The following CADM2 variants were observed in gnomAD, a reference collection of about 807,000 sequenced individuals.
CADM2 encodes the protein immunoglobulin superfamily member 4D.
A neutral mutation model predicts 49.8 loss-of-function variants in CADM2; 12 were observed. The observed-to-expected ratio is 0.24, with a 90% CI of 0.15 to 0.39. CADM2 has a LOEUF of 0.39. CADM2 is among the 10% of genes least tolerant of loss of function. The pLI is 1.00. For synonymous variants in CADM2, 214 were observed against 175.4 expected, an observed-to-expected ratio of 1.22 and a Z score of -1.74; for missense variants, 378 against 492.3, an observed-to-expected ratio of 0.77 and a Z score of 2.20.
chr3:85,419,069 T>G (rs1290784913), intron 1 of CADM2, among the ~76,000 whole-genome samples: 2 of 152,178 alleles, frequency 1.3e-5, no homozygotes, highest in African/African-American at 4.8e-5. Context: ...TGCCCTGATT[T>G]ATGAAGATTC....
chr3:85,464,490 CACATCAAAGTTG>C (rs1553726446), intron 1 of CADM2, among the ~76,000 whole-genome samples: 1 of 152,114 alleles, frequency 6.6e-6, no homozygotes, highest in Non-Finnish European at 1.5e-5. Context: ...GAAGTAAAGG[CACATCAAAGTTG>C]ACATTTCAAA....
At chr3:85,656,548 G>T (rs1394340607) in intron 1 of CADM2, among the ~76,000 whole-genome samples, 4 of 152,010 alleles carry the variant, frequency 2.6e-5, no homozygotes, top group Non-Finnish European at 5.9e-5. Context: ...CCTGAGAGGC[G>T]GAGGTTGCAG....
intron 8 of CADM2, among the ~76,000 whole-genome samples, chr3:86,015,802 C>T (rs940613093): frequency 3.3e-5 from 5 of 152,152 alleles, no homozygotes; most frequent in African/African-American, 4.8e-5. Context: ...ATGGTTAAGA[C>T]GGAATCAGAG....
intron 8 of CADM2, among the ~76,000 whole-genome samples, chr3:85,964,441 A>AT (rs1187387188): frequency 1.3e-5 from 2 of 150,980 alleles, no homozygotes; most frequent in Admixed American, 1.3e-4. Flanking sequence ...TAATAGTTAG[A>AT]TTTTATTGTT....
At chr3:86,030,250 A>G (rs1480698247) in intron 8 of CADM2, among the ~76,000 whole-genome samples, 1 of 151,976 alleles carries the variant, frequency 6.6e-6, no homozygotes, top group Non-Finnish European at 1.5e-5. Context: ...AGTAATATTT[A>G]TTTGTATTCG....
chr3:85,344,393 A>AAAT (rs2030333300), intron 1 of CADM2, among the ~76,000 whole-genome samples: 1 of 138,144 alleles, frequency 7.2e-6, no homozygotes, highest in Non-Finnish European at 1.5e-5. Flanking sequence ...ATAAATAAAT[A>AAAT]AATAAATAAA....
chr3:85,526,915 G>A lies in CADM2; in HGVS notation c.62-199607G>A, dbSNP rs147650533. Among the ~76,000 whole-genome samples the A allele has an allele frequency of 3.4e-3, 510 of 152,234 alleles. 3 individuals carry two copies. The highest frequency in any genetic ancestry group is 4.6e-3 in the Non-Finnish European group (315 of 68,020). ...ACAAAATGAGTAAGAATTTGTTTAGGATTTGAACACAATTCAGTTTTAATC... is the reference window on the plus strand; with the variant it reads ...ACAAAATGAGTAAGAATTTGTTTAGAATTTGAACACAATTCAGTTTTAATC... On this transcript the variant is annotated intron_variant, in intron 1 of 9. Coordinates refer to ENST00000383699, the MANE Select transcript of CADM2 (RefSeq NM_001167675.2).
At chr3:85,169,627 C>A (rs528642827) in intron 1 of CADM2, among the ~76,000 whole-genome samples, 1 of 151,708 alleles carries the variant, frequency 6.6e-6, no homozygotes, top group African/African-American at 2.4e-5. Context: ...CAAAAATCTG[C>A]GGGGTGTGGT....
At chr3:85,875,521 G>A (rs1343370475) in intron 3 of CADM2, among the ~76,000 whole-genome samples, 2 of 152,054 alleles carry the variant, frequency 1.3e-5, no homozygotes, top group Admixed American at 6.6e-5. Flanking sequence ...TGATTTATTA[G>A]GGTACAGATC....
At chr3:85,870,248 T>G (rs576271115) in intron 3 of CADM2, among the ~76,000 whole-genome samples, 5 of 133,400 alleles carry the variant, frequency 3.7e-5, no homozygotes, top group Admixed American at 7.4e-5. Context: ...TTGATGATGA[T>G]TTTTTTTTTT....
chr3:85,109,839 C>T (rs1212772456), intron 1 of CADM2, among the ~76,000 whole-genome samples: 2 of 151,930 alleles, frequency 1.3e-5, no homozygotes, highest in Admixed American at 6.6e-5. Flanking sequence ...TTTTTGTTTA[C>T]ATACAGCGTT....
chr3:85,710,044 G>T (rs1414257582), intron 1 of CADM2, among the ~76,000 whole-genome samples: 1 of 152,100 alleles, frequency 6.6e-6, no homozygotes, highest in Non-Finnish European at 1.5e-5. Flanking sequence ...ATGGAATCAG[G>T]TGCCCATTCC....
intron 1 of CADM2, among the ~76,000 whole-genome samples, chr3:85,232,819 T>A (rs1189768616): frequency 6.6e-6 from 1 of 152,202 alleles, no homozygotes; most frequent in Admixed American, 6.5e-5. Context: ...ATAGTCACTT[T>A]GTAAGACAGT....
chr3:85,519,374 G>C (rs1278619863), intron 1 of CADM2, among the ~76,000 whole-genome samples: 1 of 151,848 alleles, frequency 6.6e-6, no homozygotes, highest in East Asian at 1.9e-4. Flanking sequence ...TATTTCTTTT[G>C]TAAAATCATA....
chr3:85,157,701 A>G lies in CADM2; in HGVS notation c.61+198033A>G, dbSNP rs535768191. Among the ~76,000 whole-genome samples, 796 of 151,994 alleles carry G rather than the reference A, an allele frequency of 5.2e-3. 5 individuals are homozygous for G. Among genetic ancestry groups the G allele is most frequent in the African/African-American group, 0.018 (756 of 41,494 alleles). On this transcript the variant is annotated intron_variant, in intron 1 of 9. Transcript: ENST00000383699. Reference sequence around the variant, plus strand: ...TACAAAAATCAATTCAAGATGGATTAAAGACTTAAACGTTAGACCTAAAAC... The same window carrying G: ...TACAAAAATCAATTCAAGATGGATTGAAGACTTAAACGTTAGACCTAAAAC...
intron 1 of CADM2, among the ~76,000 whole-genome samples, chr3:85,390,040 A>C (rs1559815626): frequency 6.6e-6 from 1 of 152,082 alleles, no homozygotes; most frequent in Admixed American, 6.5e-5. Context: ...GTGAATATAC[A>C]TATAAGAAGG....
intron 1 of CADM2, among the ~76,000 whole-genome samples, chr3:85,140,652 T>A (rs1158055278): frequency 6.6e-6 from 1 of 152,200 alleles, no homozygotes; most frequent in Non-Finnish European, 1.5e-5. Flanking sequence ...AGATCAGGTT[T>A]TGGTGGCTTA....
chr3:85,195,483 G>A (rs1159857481), intron 1 of CADM2, among the ~76,000 whole-genome samples: 2 of 151,426 alleles, frequency 1.3e-5, no homozygotes, highest in African/African-American at 2.4e-5. Context: ...CTCTGAGACA[G>A]TTATTTCATA....
intron 2 of CADM2, among the ~76,000 whole-genome samples, chr3:85,800,594 GT>G (rs1376628748): frequency 2.0e-5 from 3 of 152,200 alleles, no homozygotes. Flanking sequence ...GAAAAGCATA[GT>G]ATCTGGGCCA....
Sources: gnomAD v4.1 joint callset for allele counts (sites outside exome capture counted in the v4.1 genomes callset) on GRCh38, gnomAD v4.1.1 for gene constraint, MANE v1.5 for transcripts, NCBI Gene and HGNC (gene_info 2026-07-23, HGNC 2026-07-21) for gene names.